The following HPCAL1 variants were observed in gnomAD, a reference collection of about 807,000 sequenced individuals.
HPCAL1 encodes the protein hippocalcin-like protein 1.
HPCAL1 carries 8 observed loss-of-function variants against 17.1 expected under a neutral mutation model. The ratio of observed to expected loss-of-function variants is 0.47; its 90% CI spans 0.27 to 0.84. The LOEUF is 0.84. Among genes scored for constraint, HPCAL1 ranks in the 40% least tolerant of loss-of-function variants. The probability of loss-of-function intolerance (pLI) is 0.13; values close to 1 mark genes in which losing one functional copy is unlikely to be tolerated. For synonymous variants in HPCAL1, 112 were observed against 111.4 expected, an observed-to-expected ratio of 1.01 and a Z score of -0.03; for missense variants, 165 against 271.1, an observed-to-expected ratio of 0.61 and a Z score of 2.75.
At chr2:10,409,061 G>T (rs1210928830) in intron 2 of HPCAL1, among the ~76,000 whole-genome samples, 2 of 152,180 alleles carry the variant, frequency 1.3e-5, no homozygotes, top group African/African-American at 4.8e-5. Flanking sequence ...GAAAGAGAAA[G>T]TATTAATGAG....
chr2:10,414,076 T>C (rs1329606888), intron 2 of HPCAL1, among the ~76,000 whole-genome samples: 3 of 152,240 alleles, frequency 2.0e-5, no homozygotes, highest in African/African-American at 7.2e-5. Context: ...TCTCAGAGGT[T>C]CCGGGGCTCT....
Position 10,420,156 on chromosome 2 carries a change from G to A in HPCAL1, c.378+21G>A, listed in dbSNP as rs199975942. The A allele has an allele frequency of 1.7e-4, 268 of 1,590,064 alleles. 1 individual carries two copies. In the African/African-American group the frequency reaches 2.8e-3, roughly 17 times the overall value. On this transcript the variant is annotated intron_variant, in intron 3 of 4. Coordinates refer to ENST00000307845, the MANE Select transcript of HPCAL1 (RefSeq NM_002149.4). ...TGCAGGTACCGGCGCCCGAGGCCCC[G>A]GGTCTCACCGCGGGCCCAGGTCCCC... is the stretch of plus-strand genomic sequence containing the variant.
chr2:10,386,012 T>G (rs1572778659), intron 1 of HPCAL1, among the ~76,000 whole-genome samples: 1 of 152,170 alleles, frequency 6.6e-6, no homozygotes, highest in South Asian at 2.1e-4. Context: ...GTCTGGCAAT[T>G]AGAATATTAA....
At chr2:10,326,262 T>C (rs1664010529) in intron 1 of HPCAL1, among the ~76,000 whole-genome samples, 1 of 152,232 alleles carries the variant, frequency 6.6e-6, no homozygotes, top group African/African-American at 2.4e-5. Context: ...ATGGGAGATC[T>C]CCCTGCCTCA....
rs145585656 is a variant in HPCAL1, at chr2:10,343,328, C to T, written c.-111+40151C>T. Among the ~76,000 whole-genome samples, 3 of 152,314 alleles carry T rather than the reference C, an allele frequency of 2.0e-5. No individual in the cohort carries two copies. Among genetic ancestry groups the T allele is most frequent in the African/African-American group, 7.2e-5 (3 of 41,574 alleles). ...TGCTGAGAAGGCTGATCTCAATCCT[C>T]GGAGTAATGACTCTCTTCTAGGAGC... On this transcript the variant is annotated intron_variant, in intron 1 of 4. Transcript: ENST00000307845. This position sits in a 1 kb window ranked among gnomAD's most constrained non-coding sequence, Gnocchi z 4.8.
chr2:10,420,279 A>C, intron 3 of HPCAL1, 144 bp downstream of exon 3: 6 of 726,406 alleles, frequency 8.3e-6, no homozygotes, highest in Non-Finnish European at 8.5e-6. Context: ...GCACTATCTC[A>C]GCTCACTGCA....
Position 10,362,696 on chromosome 2 carries a change from TC to T in HPCAL1, c.-110-34136del, listed in dbSNP as rs1666595665. 6.6e-6 allele frequency among the ~76,000 whole-genome samples: 1 copy of T among 152,174 alleles called. No homozygotes were observed. Among genetic ancestry groups the T allele is most frequent in the Admixed American group, 6.5e-5 (1 of 15,282 alleles). Reference sequence around the variant, plus strand: ...AGAAGGGAGGGTAGCCCTGAGGCCATCCCAAATGCGAGTCTGTTCACAGAGG... The same window carrying T: ...AGAAGGGAGGGTAGCCCTGAGGCCATCCAAATGCGAGTCTGTTCACAGAGG... On this transcript the variant is annotated intron_variant, in intron 1 of 4. Transcript: ENST00000307845. The surrounding 1 kb of genome is among the most constrained non-coding windows in gnomAD (Gnocchi z 5.0).
chr2:10,353,305 C>T (rs1422269455), intron 1 of HPCAL1, among the ~76,000 whole-genome samples: 1 of 152,162 alleles, frequency 6.6e-6, no homozygotes, highest in African/African-American at 2.4e-5. Context: ...CATTTAACAC[C>T]TGCAACAACA....
chr2:10,313,835 A>G (rs1348350201), intron 1 of HPCAL1, among the ~76,000 whole-genome samples: 1 of 152,254 alleles, frequency 6.6e-6, no homozygotes, highest in African/African-American at 2.4e-5. Context: ...TGACTGCAAA[A>G]AAATGAAACC....
At position 10,332,425 on chromosome 2, in the gene HPCAL1, C is replaced by T. The variant is rs2125423368; in HGVS notation, c.-111+29248C>T. On this transcript the variant is annotated intron_variant, in intron 1 of 4. Coordinates refer to ENST00000307845, the MANE Select transcript of HPCAL1 (RefSeq NM_002149.4). The stretch of plus-strand genomic sequence containing the variant: ...GCCCCTGGCCCGCCCCTCTGCGGTT[C>T]TCAGGAAGCCCCTCGGTGCCCCCTG... Among the ~76,000 whole-genome samples the T allele has an allele frequency of 2.0e-5, 3 of 152,298 alleles. No individual in the cohort carries two copies. In the South Asian group the frequency reaches 6.2e-4, roughly 32 times the overall value.
At chr2:10,386,466 AG>A (rs1263826617) in intron 1 of HPCAL1, among the ~76,000 whole-genome samples, 1 of 152,100 alleles carries the variant, frequency 6.6e-6, no homozygotes, top group Non-Finnish European at 1.5e-5. Context: ...GATGCTGGGC[AG>A]GGGCTTTGAT....
chr2:10,384,481 G>A lies in HPCAL1; in HGVS notation c.-110-12354G>A, dbSNP rs1221300648. On this transcript the variant is annotated intron_variant, in intron 1 of 4. Coordinates refer to ENST00000307845, the MANE Select transcript of HPCAL1 (RefSeq NM_002149.4). The surrounding 1 kb of genome is among the most constrained non-coding windows in gnomAD (Gnocchi z 4.4). ...CTCCACAAACTGCCATGCTTGCTTG[G>A]TGCACGGTGCTGTGCTGGGCACTGG... is the stretch of plus-strand genomic sequence containing the variant. Among the ~76,000 whole-genome samples the A allele has an allele frequency of 6.6e-6, 1 of 152,094 alleles. No homozygotes were observed. The highest frequency in any genetic ancestry group is 2.0e-4 in the East Asian group (1 of 5,122).
At chr2:10,328,574 T>C (rs963472728) in intron 1 of HPCAL1, among the ~76,000 whole-genome samples, 1 of 152,174 alleles carries the variant, frequency 6.6e-6, no homozygotes, top group Admixed American at 6.6e-5. Flanking sequence ...CTGCTTGAGC[T>C]GGGACACCCA....
chr2:10,347,856 A>C (rs1328153849), intron 1 of HPCAL1, among the ~76,000 whole-genome samples: 1 of 152,136 alleles, frequency 6.6e-6, no homozygotes. Flanking sequence ...GGTTTAGCAA[A>C]CTGTGTCTCA....
chr2:10,339,319 A>ATT (rs772333157), intron 1 of HPCAL1, among the ~76,000 whole-genome samples: 1 of 132,822 alleles, frequency 7.5e-6, no homozygotes, highest in Non-Finnish European at 1.6e-5. Context: ...TGCCCACCTA[A>ATT]TTTTTTTTTT....
Position 10,342,651 on chromosome 2 carries a change from G to A in HPCAL1, c.-111+39474G>A, listed in dbSNP as rs981888781. 6.6e-6 allele frequency among the ~76,000 whole-genome samples: 1 copy of A among 152,232 alleles called. No homozygotes were observed. The highest frequency in any genetic ancestry group is 1.5e-5 in the Non-Finnish European group (1 of 68,038). ...CAGAGGTGCTGGCTGGAGGAACCCCGTGTGTTTGCACTGTGCTCTGAGCTC... is the reference window on the plus strand; with the variant it reads ...CAGAGGTGCTGGCTGGAGGAACCCCATGTGTTTGCACTGTGCTCTGAGCTC... On this transcript the variant is annotated intron_variant, in intron 1 of 4. Transcript: ENST00000307845. The surrounding 1 kb of genome is among the most constrained non-coding windows in gnomAD (Gnocchi z 4.1).
chr2:10,345,039 TTC>T (rs1396082008), intron 1 of HPCAL1, among the ~76,000 whole-genome samples: 1 of 149,778 alleles, frequency 6.7e-6, no homozygotes, highest in Non-Finnish European at 1.5e-5. Flanking sequence ...ATGTGTCTGT[TTC>T]TCTCTCTCTC....
chr2:10,390,270 C>T (rs1319243915), intron 1 of HPCAL1, among the ~76,000 whole-genome samples: 2 of 152,214 alleles, frequency 1.3e-5, no homozygotes, highest in Non-Finnish European at 2.9e-5. Context: ...TCTCAGACCA[C>T]AGCCCACCCT....
intron 1 of HPCAL1, among the ~76,000 whole-genome samples, chr2:10,381,629 A>G (rs201858088): frequency 4.2e-5 from 1 of 23,698 alleles, no homozygotes; most frequent in East Asian, 4.5e-3. Flanking sequence ...CCTGATGGCA[A>G]TTTTGAGACT....
Sources: gnomAD v4.1 joint callset for allele counts (sites outside exome capture counted in the v4.1 genomes callset) on GRCh38, gnomAD v4.1.1 for gene constraint, Gnocchi (gnomAD v3.1) non-coding constraint, MANE v1.5 for transcripts, NCBI Gene and HGNC (gene_info 2026-07-23, HGNC 2026-07-21) for gene names.